The following LARP4 variants were observed in gnomAD, a reference collection of about 807,000 sequenced individuals.
LARP4 encodes the protein la-related protein 4.
LARP4 carries 29 observed loss-of-function variants against 92.9 expected under a neutral mutation model. That is an observed-to-expected ratio of 0.31 (90% CI 0.23 to 0.43). The LOEUF is 0.43. LARP4 is among the 20% of genes least tolerant of loss of function. The probability of loss-of-function intolerance (pLI) is 1.00; values close to 1 mark genes in which losing one functional copy is unlikely to be tolerated. For synonymous variants in LARP4, 279 were observed against 284.1 expected, an observed-to-expected ratio of 0.98 and a Z score of 0.18; for missense variants, 732 against 860.0, an observed-to-expected ratio of 0.85 and a Z score of 1.86.
rs1374959840 is a variant in LARP4, at chr12:50,437,635, A to C, written c.536-100A>C. The C allele has an allele frequency of 9.1e-6, 6 of 656,794 alleles. No individual in the cohort carries two copies. In the East Asian group the frequency reaches 1.7e-4, roughly 18 times the overall value. 40.7% of individuals were successfully genotyped at this position (656,794 alleles called of 1,614,324 possible). On this transcript the variant is annotated intron_variant, in intron 5 of 15. Coordinates refer to ENST00000398473, the MANE Select transcript of LARP4 (RefSeq NM_052879.5). Reference sequence around the variant, plus strand: ...TTAGGATATTAACCCAGCCTCTGCAAATTTACTCAGTTGGAAATTAAAATG... The same window carrying C: ...TTAGGATATTAACCCAGCCTCTGCACATTTACTCAGTTGGAAATTAAAATG...
rs1222395982 is a variant in LARP4 at position 50,478,720 on chromosome 12, T to A, written c.*2856T>A. 1 of 152,138 alleles carries A rather than the reference T, an allele frequency of 6.6e-6. No individual in the cohort carries two copies. The highest frequency in any genetic ancestry group is 1.5e-5 in the Non-Finnish European group (1 of 67,994). 9.4% of individuals were successfully genotyped at this position (152,138 alleles called of 1,614,324 possible). ...TCATAGAGAAGGTACATAGAGACAT[T>A]GCAAAACCTGTCTCCATTTGCTATC... On this transcript the variant is annotated 3_prime_UTR_variant, in exon 16 of 16. Coordinates refer to ENST00000398473, the MANE Select transcript of LARP4 (RefSeq NM_052879.5).
intron 10 of LARP4, among the ~76,000 whole-genome samples, chr12:50,459,493 G>GC (rs1954934343): frequency 1.3e-5 from 2 of 151,764 alleles, no homozygotes; most frequent in African/African-American, 4.8e-5. Flanking sequence ...CCCTTCCTTC[G>GC]CCCCCGTTTT....
At chr12:50,458,139 A>G (rs770194623) in intron 10 of LARP4, among the ~76,000 whole-genome samples, 6 of 150,748 alleles carry the variant, frequency 4.0e-5, no homozygotes, top group Non-Finnish European at 8.9e-5. Context: ...GGGTTTTGCC[A>G]TGTTGTGCAG....
intron 1 of LARP4, among the ~76,000 whole-genome samples, chr12:50,406,951 C>T (rs181888023): frequency 3.3e-5 from 5 of 152,242 alleles, no homozygotes; most frequent in Admixed American, 6.5e-5. Context: ...CTCCTAACCT[C>T]AGATCTACCT....
chr12:50,437,891 G>T, intron 6 of LARP4, 53 bp downstream of exon 6: 1 of 1,204,350 alleles, frequency 8.3e-7, no homozygotes, highest in Non-Finnish European at 1.2e-6. Context: ...AATTAAAAGA[G>T]GTTTCTTCTG....
At chr12:50,445,253 A>G (rs960668064) in intron 8 of LARP4, among the ~76,000 whole-genome samples, 1 of 152,034 alleles carries the variant, frequency 6.6e-6, no homozygotes, top group Non-Finnish European at 1.5e-5. Flanking sequence ...TGACAGCTAA[A>G]ATTATTTTCC....
chr12:50,429,138 C>G (rs754029657), intron 3 of LARP4, 48 bp downstream of exon 3: 1 of 1,366,012 alleles, frequency 7.3e-7, no homozygotes, highest in Admixed American at 1.8e-5. Flanking sequence ...GTACAGGACA[C>G]CCCCCACCCA....
At chr12:50,424,982 AC>A (rs1203526318) in intron 1 of LARP4, among the ~76,000 whole-genome samples, 1 of 151,946 alleles carries the variant, frequency 6.6e-6, no homozygotes, top group African/African-American at 2.4e-5. Flanking sequence ...CCCTGTCTCT[AC>A]TAAAAACACA....
Position 50,461,244 on chromosome 12 carries a change from G to C in LARP4, c.1231G>C (p.Glu411Gln). The C allele has an allele frequency of 6.2e-7, 1 of 1,614,054 alleles. No individual in the cohort carries two copies. Among genetic ancestry groups the C allele is most frequent in the Non-Finnish European group, 8.5e-7 (1 of 1,180,016 alleles). Reference protein sequence around the residue: ...NRYSSRNFPAERHNPTVTGHQ... With the variant: ...NRYSSRNFPAQRHNPTVTGHQ... ...ATATAGTTCAAGAAACTTTCCAGCT[G>C]AACGGCATAACCCCACAGTAACTGG... The change falls in exon 11 of 16, where the codon GAA (glutamate) becomes CAA (glutamine). Residue 411 changes from glutamate (E) to glutamine (Q), a missense_variant. Physicochemically the swap from Glu to Gln is conservative, Grantham distance 29. Coordinates refer to ENST00000398473, the MANE Select transcript of LARP4 (RefSeq NM_052879.5).
At chr12:50,416,510 C>T (rs1168836621) in intron 1 of LARP4, 1 of 151,180 alleles carries the variant, frequency 6.6e-6, no homozygotes, top group Non-Finnish European at 1.5e-5. Flanking sequence ...TACTTAAAAA[C>T]AAAAACAAAA....
intron 8 of LARP4, among the ~76,000 whole-genome samples, chr12:50,446,617 C>G (rs969112178): frequency 1.8e-4 from 27 of 149,242 alleles, no homozygotes; most frequent in African/African-American, 6.4e-4. Context: ...TTAGTAGAGA[C>G]AGGGTTTCAC....
At chr12:50,439,518 T>G (rs1388408411) in intron 6 of LARP4, among the ~76,000 whole-genome samples, 1 of 152,084 alleles carries the variant, frequency 6.6e-6, no homozygotes, top group Admixed American at 6.6e-5. Context: ...TCCTCCTACC[T>G]CAGCCACCCA....
intron 10 of LARP4, among the ~76,000 whole-genome samples, chr12:50,458,382 G>A (rs973515976): frequency 3.3e-5 from 5 of 151,996 alleles, no homozygotes; most frequent in African/African-American, 1.2e-4. Context: ...CACCCGCCTT[G>A]GCCTCCCAAA....
At chr12:50,471,222 G>A (rs927579996) in intron 13 of LARP4, among the ~76,000 whole-genome samples, 6 of 152,130 alleles carry the variant, frequency 3.9e-5, no homozygotes, top group East Asian at 1.9e-4. Flanking sequence ...TTGGCCTTGC[G>A]GGTCTTAGTT....
At chr12:50,437,687 T>C (rs1950635908) in intron 5 of LARP4, 48 bp from the exon 6 acceptor site, 1 of 1,052,712 alleles carries the variant, frequency 9.5e-7, no homozygotes, top group Non-Finnish European at 1.4e-6. Context: ...GCATTAATAA[T>C]ATCACTACTT....
chr12:50,437,829 A>G lies in LARP4; in HGVS notation c.630A>G (p.Thr210=), dbSNP rs1421025726. Residue 210 remains threonine, a synonymous_variant, in exon 6 of 16, where the codon ACA becomes ACG. Coordinates refer to ENST00000398473, the MANE Select transcript of LARP4 (RefSeq NM_052879.5). The part of the protein sequence containing the change: ...IVILREIPET[T]PIEEVKGLFK... ...TTCTTAGAGAGATTCCTGAAACAAC[A>G]CCAATAGAGGTAAATTATTAATAAT... is the stretch of plus-strand genomic sequence containing the variant. 2.6e-6 allele frequency: 4 copies of G among 1,558,804 alleles called. No homozygotes were observed. Among genetic ancestry groups the G allele is most frequent in the Non-Finnish European group, 3.5e-6 (4 of 1,131,350 alleles).
intron 2 of LARP4, 81 bp downstream of exon 2, chr12:50,427,990 T>TCC: frequency 4.3e-6 from 2 of 466,478 alleles, no homozygotes; most frequent in East Asian, 3.9e-5. Flanking sequence ...TTGAGACACA[T>TCC]CTCTTTTTTT....
Position 50,479,779 on chromosome 12 carries a change from T to C in LARP4, c.*3915T>C, listed in dbSNP as rs1957766001. The C allele has an allele frequency of 1.3e-5, 2 of 152,194 alleles. No individual in the cohort carries two copies. The highest frequency in any genetic ancestry group is 2.1e-4 in the South Asian group (1 of 4,822). 9.4% of individuals were successfully genotyped at this position (152,194 alleles called of 1,614,324 possible). A position where few individuals can be genotyped will look rare whatever the true frequency, so the allele number is the denominator to read the frequency against. ...TAATTCAGGTGTCCTTTGCATCTCTTAAATGTTGGGGGTGGGGGTCAGAGC... is the reference window on the plus strand; with the variant it reads ...TAATTCAGGTGTCCTTTGCATCTCTCAAATGTTGGGGGTGGGGGTCAGAGC... On this transcript the variant is annotated 3_prime_UTR_variant, in exon 16 of 16. Coordinates refer to ENST00000398473, the MANE Select transcript of LARP4 (RefSeq NM_052879.5).
chr12:50,453,254 C>G (rs1953601897), intron 8 of LARP4, among the ~76,000 whole-genome samples: 1 of 151,550 alleles, frequency 6.6e-6, no homozygotes, highest in Admixed American at 6.6e-5. Flanking sequence ...GGGGTTTTAC[C>G]TTGTTTACTA....
Sources: gnomAD v4.1 joint callset for allele counts (sites outside exome capture counted in the v4.1 genomes callset) on GRCh38, gnomAD v4.1.1 for gene constraint, MANE v1.5 for transcripts, NCBI Gene and HGNC (gene_info 2026-07-23, HGNC 2026-07-21) for gene names.